The following RBFOX1 variants were observed in gnomAD, a reference collection of about 807,000 sequenced individuals.
RBFOX1 encodes the protein RNA binding protein fox-1 homolog 1.
RBFOX1 carries 8 observed loss-of-function variants against 57.7 expected under a neutral mutation model. The ratio of observed to expected loss-of-function variants is 0.14; its 90% CI spans 0.08 to 0.25. The LOEUF is 0.25. Among genes scored for constraint, RBFOX1 ranks in the 10% least tolerant of loss-of-function variants. RBFOX1 has a pLI of 1.00. For missense variants in RBFOX1, 611 were observed against 548.5 expected (o/e 1.11, Z -1.14); for synonymous variants, 326 against 222.4 (o/e 1.47, Z -4.15).
chr16:5,530,488 A>G (rs2044423512), intron 2 of RBFOX1, among the ~76,000 whole-genome samples: 1 of 152,184 alleles, frequency 6.6e-6, no homozygotes, highest in Non-Finnish European at 1.5e-5. Flanking sequence ...TCTACCCTAT[A>G]AAGTCTTCAA....
chr16:6,863,989 C>CT (rs58541296), intron 3 of RBFOX1, among the ~76,000 whole-genome samples: 30,220 of 125,244 alleles, frequency 0.24, 3,750 homozygotes, highest in Admixed American at 0.37. Flanking sequence ...CTTTATGTTC[C>CT]TTTTTTTTTT....
At chr16:7,041,822 A>G (rs1179337726) in intron 3 of RBFOX1, among the ~76,000 whole-genome samples, 3 of 152,168 alleles carry the variant, frequency 2.0e-5, no homozygotes, top group African/African-American at 7.2e-5. Context: ...AATTGCTGGT[A>G]TTTGCTGAAT....
intron 2 of RBFOX1, among the ~76,000 whole-genome samples, chr16:5,468,262 T>C (rs924862760): frequency 1.3e-5 from 2 of 152,212 alleles, no homozygotes. Flanking sequence ...CTTCACAGTG[T>C]TGGGCAATCA....
chr16:5,570,849 A>AT (rs1555468108), intron 2 of RBFOX1, among the ~76,000 whole-genome samples: 1 of 151,688 alleles, frequency 6.6e-6, no homozygotes, highest in Non-Finnish European at 1.5e-5. Flanking sequence ...CAAAAAAAAA[A>AT]AAAATAAAGC....
chr16:7,398,111 G>A (rs1033145646), intron 4 of RBFOX1, among the ~76,000 whole-genome samples: 1 of 152,078 alleles, frequency 6.6e-6, no homozygotes, highest in African/African-American at 2.4e-5. Context: ...TAAAGAATTT[G>A]CAACACTAGG....
chr16:5,657,206 C>G lies in RBFOX1; in HGVS notation c.318+58245C>G, dbSNP rs557927294. ...GGGAATGATCTGGTTGATTGGAGAA[C>G]TCTGGTTTCACTGACTTCAAAGCAA... On this transcript the variant is annotated intron_variant, in intron 3 of 19. Transcript: ENST00000641259. Among the ~76,000 whole-genome samples the G allele has an allele frequency of 3.3e-5, 5 of 152,294 alleles. 1 individual carries two copies. The South Asian group carries it at 1.0e-3, about 32-fold the overall frequency.
intron 4 of RBFOX1, among the ~76,000 whole-genome samples, chr16:5,889,230 C>T (rs1158183912): frequency 6.6e-6 from 1 of 152,118 alleles, no homozygotes; most frequent in Non-Finnish European, 1.5e-5. Context: ...CCTCCTGATG[C>T]TCTCCCTCCC....
intron 1 of RBFOX1, among the ~76,000 whole-genome samples, chr16:5,271,506 G>T (rs2063007028): frequency 6.6e-6 from 1 of 152,272 alleles, no homozygotes. Context: ...GACACTGGCT[G>T]TGAGCCTTTC....
chr16:6,948,398 T>C lies in RBFOX1; in HGVS notation c.-15-103659T>C, dbSNP rs113480070. ...TTCTTTTTTTTTTTTTTTTTTTTTT[T>C]TTTTTTGAGGCTGAGTTTTACTCTG... On this transcript the variant is annotated intron_variant, in intron 3 of 15. Transcript: ENST00000550418. Among the ~76,000 whole-genome samples, 966 of 140,662 alleles carry C rather than the reference T, an allele frequency of 6.9e-3. 3 individuals are homozygous for C. Among genetic ancestry groups the C allele is most frequent in the African/African-American group, 0.025 (928 of 36,978 alleles). The allele number at this position is 140,662 out of a possible 152,430, so 92.3% of individuals were successfully genotyped here. A position where few individuals can be genotyped will look rare whatever the true frequency, so the allele number is the denominator to read the frequency against.
At chr16:6,280,012 T>A (rs1000113011) in intron 1 of RBFOX1, among the ~76,000 whole-genome samples, 2 of 151,906 alleles carry the variant, frequency 1.3e-5, no homozygotes, top group African/African-American at 4.8e-5. Flanking sequence ...CAGAAGCCTA[T>A]CCTAAGCAGG....
At chr16:7,699,367 T>G (rs77840361) in intron 14 of RBFOX1, among the ~76,000 whole-genome samples, 8 of 152,138 alleles carry the variant, frequency 5.3e-5, no homozygotes, top group Non-Finnish European at 1.2e-4. Context: ...GATATCTTAA[T>G]TTTTTGAAGA....
At position 5,570,044 on chromosome 16, in the gene RBFOX1, G is replaced by A. The variant is rs73517553; in HGVS notation, c.259-28858G>A. Among the ~76,000 whole-genome samples the A allele has an allele frequency of 3.3e-3, 506 of 152,316 alleles. 3 individuals carry two copies. Among genetic ancestry groups the A allele is most frequent in the African/African-American group, 0.011 (473 of 41,578 alleles). On this transcript the variant is annotated intron_variant, in intron 2 of 2. Transcript: ENST00000585867. ...CCCTTTCGTGGCAACAACACCCAGT[G>A]ACATTTACAGAAGAGCATTTTATAA...
intron 1 of RBFOX1, among the ~76,000 whole-genome samples, chr16:5,277,431 C>T (rs532040850): frequency 4.0e-5 from 6 of 150,586 alleles, no homozygotes; most frequent in Non-Finnish European, 8.8e-5. Context: ...ACCACCTGTT[C>T]CCTAAAAACT....
In RBFOX1 at chr16:7,151,527, C is replaced by G. The variant is rs375092501; in HGVS notation, c.27+99429C>G. ...ACAGGGCTACTTGTAGCCTCTAGACCAGCACTCCCCAACCTTTTTGGCATT... is the reference window on the plus strand; with the variant it reads ...ACAGGGCTACTTGTAGCCTCTAGACGAGCACTCCCCAACCTTTTTGGCATT... On this transcript the variant is annotated intron_variant, in intron 4 of 15. Coordinates refer to ENST00000550418, the MANE Select transcript of RBFOX1 (RefSeq NM_018723.4). Among the ~76,000 whole-genome samples, 286 of 152,210 alleles carry G rather than the reference C, an allele frequency of 1.9e-3. 1 individual carries two copies. The highest frequency in any genetic ancestry group is 6.7e-3 in the African/African-American group (280 of 41,542).
chr16:5,615,684 A>G (rs573045545), intron 3 of RBFOX1, among the ~76,000 whole-genome samples: 6 of 152,234 alleles, frequency 3.9e-5, no homozygotes, highest in African/African-American at 7.2e-5. Context: ...AGCCGTTTCT[A>G]TGTGTCAAGA....
intron 2 of RBFOX1, among the ~76,000 whole-genome samples, chr16:6,443,188 T>C (rs2094420846): frequency 6.6e-6 from 1 of 152,190 alleles, no homozygotes; most frequent in African/African-American, 2.4e-5. Flanking sequence ...GAAGGAAGCA[T>C]ATTCCTTTCC....
intron 1 of RBFOX1, among the ~76,000 whole-genome samples, chr16:5,248,952 C>T (rs2062373889): frequency 2.2e-5 from 3 of 135,076 alleles, no homozygotes; most frequent in Non-Finnish European, 3.1e-5. Context: ...TGTGCCAGTG[C>T]ACTCCAGCCT....
chr16:6,826,579 C>G (rs1876962343), intron 3 of RBFOX1, among the ~76,000 whole-genome samples: 1 of 152,120 alleles, frequency 6.6e-6, no homozygotes, highest in African/African-American at 2.4e-5. Flanking sequence ...CTCTCACGTG[C>G]TCTATTCCTC....
At position 7,711,709 on chromosome 16, in the gene RBFOX1, A is replaced by T. The variant is rs191659238; in HGVS notation, c.*964A>T. 2 of 152,656 alleles carry T rather than the reference A, an allele frequency of 1.3e-5. No individual in the cohort carries two copies. Among genetic ancestry groups the T allele is most frequent in the Non-Finnish European group, 2.9e-5 (2 of 68,034 alleles). 9.5% of individuals were successfully genotyped at this position (152,656 alleles called of 1,614,324 possible). A position where few individuals can be genotyped will look rare whatever the true frequency, so the allele number is the denominator to read the frequency against. ...TGCAGTGGAGTTGTTAAGTTCTAGAAACAGTCTATGAAGCTTTAGTTTTAG... is the reference window on the plus strand; with the variant it reads ...TGCAGTGGAGTTGTTAAGTTCTAGATACAGTCTATGAAGCTTTAGTTTTAG... On this transcript the variant is annotated 3_prime_UTR_variant, in exon 16 of 16. Coordinates refer to ENST00000550418, the MANE Select transcript of RBFOX1 (RefSeq NM_018723.4).
Sources: allele counts gnomAD v4.1 joint callset (sites outside exome capture counted in the v4.1 genomes callset), GRCh38; gene constraint gnomAD v4.1.1; transcripts MANE v1.5; gene names NCBI Gene and HGNC (gene_info 2026-07-23, HGNC 2026-07-21).